Variants in MBD5 observed in about 807,000 individuals in gnomAD.
MBD5 encodes the protein methyl-CpG binding domain protein 5, also known as methyl-CpG-binding domain protein 5.
In MBD5, 13 loss-of-function variants were observed where a neutral mutation model predicts 117.3. The observed-to-expected ratio is 0.11, with a 90% CI of 0.07 to 0.18. The LOEUF (loss-of-function observed/expected upper bound fraction) is 0.18, where lower values mean the gene tolerates loss of function less well. Ranked by LOEUF, MBD5 falls within the 10% of genes least tolerant of loss-of-function variation. The probability of loss-of-function intolerance (pLI) is 1.00; values close to 1 mark genes in which losing one functional copy is unlikely to be tolerated. For synonymous variants in MBD5, 727 were observed against 766.4 expected, an observed-to-expected ratio of 0.95 and a Z score of 0.85; for missense variants, 1,879 against 2,093.8, an observed-to-expected ratio of 0.90 and a Z score of 2.00.
intron 3 of MBD5, among the ~76,000 whole-genome samples, chr2:148,330,240 C>T (rs1359372140): frequency 6.6e-6 from 1 of 152,018 alleles, no homozygotes; most frequent in Non-Finnish European, 1.5e-5. Context: ...GTCTTGGTAG[C>T]CCTGACAGTT....
intron 3 of MBD5, among the ~76,000 whole-genome samples, chr2:148,262,586 G>A (rs1402156338): frequency 6.6e-6 from 1 of 152,032 alleles, no homozygotes; most frequent in Non-Finnish European, 1.5e-5. Context: ...TAAATAAATA[G>A]AAAGAAGGGA....
chr2:148,485,351 A>G (rs1681302997), intron 9 of MBD5: 1 of 185,836 alleles, frequency 5.4e-6, no homozygotes, highest in Admixed American at 5.4e-5. Flanking sequence ...TATTTTAATT[A>G]TCTGGTCAGA....
chr2:148,480,597 T>A (rs1254762615), intron 8 of MBD5, among the ~76,000 whole-genome samples: 2 of 152,070 alleles, frequency 1.3e-5, no homozygotes, highest in Non-Finnish European at 2.9e-5. Context: ...ATAAAAGTTT[T>A]AAAAAAATTA....
At chr2:148,166,321 AT>A (rs1698124284) in intron 1 of MBD5, among the ~76,000 whole-genome samples, 1 of 152,038 alleles carries the variant, frequency 6.6e-6, no homozygotes, top group South Asian at 2.1e-4. Flanking sequence ...ACTCTTCATT[AT>A]TTGTCAGATT....
intron 1 of MBD5, among the ~76,000 whole-genome samples, chr2:148,168,233 T>C (rs760117360): frequency 6.6e-6 from 1 of 152,162 alleles, no homozygotes; most frequent in Non-Finnish European, 1.5e-5. Context: ...TTAAATTCCT[T>C]CTTCAATAGC....
chr2:148,201,106 C>T (rs750838875), intron 2 of MBD5, among the ~76,000 whole-genome samples: 1 of 152,212 alleles, frequency 6.6e-6, no homozygotes, highest in African/African-American at 2.4e-5. Flanking sequence ...CTGGGCTTGC[C>T]ACAGGAGATG....
rs151286053 is a variant in MBD5 at position 148,288,129 on chromosome 2, G to A, written c.-679-54085G>A. On this transcript the variant is annotated intron_variant, in intron 3 of 13. Transcript: ENST00000642680. ...AAAAAAGTGATTTCTGGCCGGGCGCGGTGGCTCACGCCTGTAATCCCAGCA... is the reference window on the plus strand; with the variant it reads ...AAAAAAGTGATTTCTGGCCGGGCGCAGTGGCTCACGCCTGTAATCCCAGCA... Among the ~76,000 whole-genome samples, 521 of 151,580 alleles carry A rather than the reference G, an allele frequency of 3.4e-3. 4 individuals carry two copies. The highest frequency in any genetic ancestry group is 9.5e-3 in the African/African-American group (392 of 41,326).
chr2:148,167,468 T>A (rs931125538), intron 1 of MBD5, among the ~76,000 whole-genome samples: 4 of 152,200 alleles, frequency 2.6e-5, no homozygotes, highest in Non-Finnish European at 5.9e-5. Flanking sequence ...CTGTTAGACC[T>A]ATTCATTTCT....
chr2:148,395,389 A>C (rs1020918138), intron 4 of MBD5, among the ~76,000 whole-genome samples: 2 of 145,818 alleles, frequency 1.4e-5, no homozygotes, highest in Non-Finnish European at 3.0e-5. Flanking sequence ...TTCTTAGTTT[A>C]TACTCCTAAT....
At chr2:148,462,969 T>C (rs1707141242) in intron 6 of MBD5, among the ~76,000 whole-genome samples, 1 of 152,150 alleles carries the variant, frequency 6.6e-6, no homozygotes, top group South Asian at 2.1e-4. Context: ...TTGCTCGGCA[T>C]TTAATAGTGC....
At chr2:148,258,166 G>T (rs969548743) in intron 3 of MBD5, among the ~76,000 whole-genome samples, 3 of 152,156 alleles carry the variant, frequency 2.0e-5, no homozygotes, top group African/African-American at 4.8e-5. Context: ...TGTCCGTGCA[G>T]CACCAGCTAC....
intron 4 of MBD5, among the ~76,000 whole-genome samples, chr2:148,397,234 A>T (rs921603888): frequency 6.6e-6 from 1 of 152,012 alleles, no homozygotes; most frequent in Non-Finnish European, 1.5e-5. Flanking sequence ...CAAACTGATC[A>T]TATGGTCAAC....
At chr2:148,086,210 TG>T (rs1432489072) in intron 1 of MBD5, among the ~76,000 whole-genome samples, 1 of 152,036 alleles carries the variant, frequency 6.6e-6, no homozygotes, top group Non-Finnish European at 1.5e-5. Flanking sequence ...TGTGTGTGTA[TG>T]GTTTCTGAAA....
chr2:148,263,249 A>G (rs1317254102), intron 3 of MBD5, among the ~76,000 whole-genome samples: 1 of 152,172 alleles, frequency 6.6e-6, no homozygotes, highest in Non-Finnish European at 1.5e-5. Flanking sequence ...GAAAAGGACT[A>G]ATCAGGGAAA....
intron 3 of MBD5, among the ~76,000 whole-genome samples, chr2:148,236,073 A>G (rs998569919): frequency 6.6e-6 from 1 of 152,154 alleles, no homozygotes; most frequent in Admixed American, 6.5e-5. Flanking sequence ...TGCTGGGATT[A>G]CAGGTATAAG....
intron 3 of MBD5, among the ~76,000 whole-genome samples, chr2:148,316,036 C>T (rs1294900247): frequency 6.6e-6 from 1 of 152,136 alleles, no homozygotes; most frequent in Non-Finnish European, 1.5e-5. Flanking sequence ...GCATGTGTTA[C>T]ATGGTCAGAG....
intron 1 of MBD5, among the ~76,000 whole-genome samples, chr2:148,102,418 A>G (rs187732201): frequency 3.9e-5 from 6 of 152,152 alleles, no homozygotes; most frequent in African/African-American, 7.2e-5. Flanking sequence ...GTTATTCTCT[A>G]TGTCACAGAG....
intron 3 of MBD5, among the ~76,000 whole-genome samples, chr2:148,273,366 G>A (rs1393606164): frequency 2.0e-5 from 3 of 152,138 alleles, no homozygotes; most frequent in Non-Finnish European, 4.4e-5. Flanking sequence ...TTAAAACTAT[G>A]GTTCACGAGT....
intron 1 of MBD5, among the ~76,000 whole-genome samples, chr2:148,041,003 C>A (rs1345974538): frequency 1.3e-5 from 2 of 152,068 alleles, no homozygotes; most frequent in Admixed American, 1.3e-4. Context: ...AGCTCTGTCA[C>A]CCAGGCTGGA....
Sources: allele counts gnomAD v4.1 joint callset (sites outside exome capture counted in the v4.1 genomes callset), GRCh38; gene constraint gnomAD v4.1.1; transcripts MANE v1.5; gene names NCBI Gene and HGNC (gene_info 2026-07-23, HGNC 2026-07-21).